Variants in GPHN observed in about 807,000 individuals in gnomAD.
GPHN encodes the protein gephyrin.
Under a neutral mutation model 95.5 loss-of-function variants are expected in GPHN, and 17 were observed. That is an observed-to-expected ratio of 0.18 (90% CI 0.12 to 0.27). GPHN has a LOEUF of 0.27. GPHN is among the 10% of genes least tolerant of loss of function. The pLI, the probability that GPHN is intolerant of heterozygous loss-of-function variation, is 1.00. For synonymous variants in GPHN, 320 were observed against 322.5 expected (o/e 0.99, Z 0.08); for missense variants, 660 against 978.1 (o/e 0.67, Z 4.34).
chr14:67,121,408 CATTT>C (rs1156497386), intron 16 of GPHN, among the ~76,000 whole-genome samples: 2 of 152,104 alleles, frequency 1.3e-5, no homozygotes, highest in Non-Finnish European at 2.9e-5. Context: ...AAGAGAATCA[CATTT>C]ATTGTACATT....
chr14:67,612,911 C>T, the GPHN span, among the ~76,000 whole-genome samples: 5 of 151,420 alleles, frequency 3.3e-5, no homozygotes, highest in African/African-American at 7.3e-5. Flanking sequence ...CACCACTGCA[C>T]GCCTGGGCGA....
chr14:67,071,656 TA>T (rs976822170), intron 11 of GPHN, among the ~76,000 whole-genome samples: 7 of 151,184 alleles, frequency 4.6e-5, no homozygotes, highest in South Asian at 2.1e-4. Flanking sequence ...AATTTAAATT[TA>T]AAAAAAAATC....
At chr14:67,712,843 C>T in the GPHN span, among the ~76,000 whole-genome samples, 3 of 151,994 alleles carry the variant, frequency 2.0e-5, no homozygotes, top group East Asian at 1.9e-4. Context: ...AAAAAGGTGG[C>T]CTTGTTATGA....
intron 1 of GPHN, among the ~76,000 whole-genome samples, chr14:66,566,671 G>A (rs1456489580): frequency 6.6e-6 from 1 of 152,052 alleles, no homozygotes; most frequent in Non-Finnish European, 1.5e-5. Flanking sequence ...CTTAATTTTT[G>A]TTTGTTGGTT....
At chr14:67,009,027 CTTA>C (rs1331551516) in intron 9 of GPHN, among the ~76,000 whole-genome samples, 1 of 152,162 alleles carries the variant, frequency 6.6e-6, no homozygotes, top group Non-Finnish European at 1.5e-5. Context: ...TGTTCCATTA[CTTA>C]TTACCTCATT....
chr14:66,991,617 T>C (rs1409210809), intron 9 of GPHN, among the ~76,000 whole-genome samples: 1 of 140,224 alleles, frequency 7.1e-6, no homozygotes, highest in South Asian at 2.4e-4. Flanking sequence ...CTGTCCAATA[T>C]AGCAAAAAAA....
At chr14:67,675,013 C>T in the GPHN span, among the ~76,000 whole-genome samples, 17 of 152,312 alleles carry the variant, frequency 1.1e-4, no homozygotes, top group East Asian at 3.9e-4. Flanking sequence ...CAGCGGGCTT[C>T]GGCCCGATTT....
chr14:67,561,647 C>G, the GPHN span, among the ~76,000 whole-genome samples: 1 of 152,146 alleles, frequency 6.6e-6, no homozygotes, highest in East Asian at 1.9e-4. Flanking sequence ...GTGGGCAGAT[C>G]GTTTGAGTCC....
At chr14:67,392,298 C>G in the GPHN span, 2 of 1,404,664 alleles carry the variant, frequency 1.4e-6, no homozygotes, top group Non-Finnish European at 2.0e-6. Context: ...AACTGTCCAT[C>G]TCTCTTCCCT....
At chr14:67,482,097 C>A in the GPHN span, among the ~76,000 whole-genome samples, 5 of 152,288 alleles carry the variant, frequency 3.3e-5, no homozygotes, top group South Asian at 1.0e-3. Context: ...AGAGTCCCAT[C>A]GAAGGGCCAG....
intron 2 of GPHN, among the ~76,000 whole-genome samples, chr14:66,762,584 C>T (rs1470241484): frequency 6.6e-6 from 1 of 150,376 alleles, no homozygotes; most frequent in African/African-American, 2.4e-5. Context: ...AAAATCTGGG[C>T]TCTGGGATGA....
the GPHN span, chr14:67,581,913 C>T: frequency 5.9e-6 from 4 of 678,836 alleles, no homozygotes; most frequent in Admixed American, 2.8e-5. Flanking sequence ...GTGTCATACT[C>T]GGTTATATGT....
chr14:67,531,659 A>G, the GPHN span, among the ~76,000 whole-genome samples: 1 of 151,546 alleles, frequency 6.6e-6, no homozygotes, highest in African/African-American at 2.4e-5. Flanking sequence ...TCATCCCTGT[A>G]ATCCCAGCAC....
chr14:67,572,592 C>T, the GPHN span, among the ~76,000 whole-genome samples: 119 of 147,654 alleles, frequency 8.1e-4, no homozygotes, highest in Admixed American at 1.0e-3. Context: ...GGAATACTAA[C>T]GCAAGCTAAC....
At chr14:67,015,449 A>G (rs1594822049) in intron 9 of GPHN, among the ~76,000 whole-genome samples, 4 of 152,322 alleles carry the variant, frequency 2.6e-5, no homozygotes, top group Admixed American at 2.6e-4. Flanking sequence ...CTGTAATCAC[A>G]GCACTTTGGG....
chr14:66,723,564 CA>C (rs561588338), intron 2 of GPHN, among the ~76,000 whole-genome samples: 185 of 152,072 alleles, frequency 1.2e-3, no homozygotes, highest in African/African-American at 4.1e-3. Context: ...TCCTAATAAA[CA>C]AAAACCTTGT....
chr14:67,577,527 A>G, the GPHN span: 1 of 698,748 alleles, frequency 1.4e-6, no homozygotes, highest in Non-Finnish European at 2.5e-6. Flanking sequence ...AAGGGAAGGA[A>G]ACTTCCCAGG....
the GPHN span, chr14:67,557,518 G>C: frequency 8.4e-5 from 91 of 1,089,448 alleles, no homozygotes; most frequent in Non-Finnish European, 1.2e-4. Flanking sequence ...CTAGTGCTGG[G>C]GAACTCGCTC....
At chr14:67,701,238 G>C in the GPHN span, among the ~76,000 whole-genome samples, 3 of 151,790 alleles carry the variant, frequency 2.0e-5, no homozygotes, top group African/African-American at 7.2e-5. Flanking sequence ...AAAAGAAATA[G>C]ATTGTAGAAT....
Sources: gnomAD v4.1 joint callset for allele counts (sites outside exome capture counted in the v4.1 genomes callset) on GRCh38, gnomAD v4.1.1 for gene constraint, MANE v1.5 for transcripts, NCBI Gene and HGNC (gene_info 2026-07-23, HGNC 2026-07-21) for gene names.